The following EXTL3 variants were observed in gnomAD, a reference collection of about 807,000 sequenced individuals.
The protein encoded by EXTL3 is exostosin like glycosyltransferase 3, also known as exostosin-like 3.
Under a neutral mutation model 69.3 loss-of-function variants are expected in EXTL3, and 27 were observed. That is an observed-to-expected ratio of 0.39 (90% CI 0.29 to 0.54). The LOEUF (loss-of-function observed/expected upper bound fraction) is 0.54, where lower values mean the gene tolerates loss of function less well. Among genes scored for constraint, EXTL3 ranks in the 20% least tolerant of loss-of-function variants. The pLI is 0.69. For missense variants in EXTL3, 1,003 were observed against 1,231.8 expected (o/e 0.81, Z 2.78); for synonymous variants, 511 against 499.4 (o/e 1.02, Z -0.31).
In EXTL3 at chr8:28,678,960, GCTCCAACTTTCATGAGGC is replaced by G. The variant is rs565209270; in HGVS notation, c.-52-34493_-52-34476del. On this transcript the variant is annotated intron_variant, in intron 1 of 6. Coordinates refer to the EXTL3 transcript ENST00000523149. Reference sequence around the variant, plus strand: ...ATCCTAGGCATCAATGGCAAATTCAGCTCCAACTTTCATGAGGCCTCTCCCTTATACCAGCTTCTTTGT... The same window carrying G: ...ATCCTAGGCATCAATGGCAAATTCAGCTCTCCCTTATACCAGCTTCTTTGT... Among the ~76,000 whole-genome samples the G allele has an allele frequency of 1.1e-3, 169 of 152,258 alleles. 1 individual carries two copies. Among genetic ancestry groups the G allele is most frequent in the African/African-American group, 3.9e-3 (164 of 41,560 alleles).
upstream of EXTL3, chr8:28,701,283 T>A (rs1054740670): frequency 6.6e-6 from 1 of 151,662 alleles, no homozygotes; most frequent in Non-Finnish European, 1.5e-5. Context: ...AGGACGCGAG[T>A]TGGGGGGCTC....
At chr8:28,613,436 C>A (rs1443702396) in intron 2 of EXTL3, among the ~76,000 whole-genome samples, 1 of 152,174 alleles carries the variant, frequency 6.6e-6, no homozygotes, top group Non-Finnish European at 1.5e-5. Context: ...CGTGCCTCAG[C>A]CTCCCAAAGT....
Position 28,751,371 on chromosome 8 carries a change from T to A in EXTL3, c.*505T>A, listed in dbSNP as rs533308098. 355 of 168,034 alleles carry A rather than the reference T, an allele frequency of 2.1e-3. 2 individuals are homozygous for A. The highest frequency in any genetic ancestry group is 2.4e-3 in the Non-Finnish European group (181 of 76,492). The allele number at this position is 168,034 out of a possible 1,614,324, so 10.4% of individuals were successfully genotyped here. A position where few individuals can be genotyped will look rare whatever the true frequency, so the allele number is the denominator to read the frequency against. The stretch of plus-strand genomic sequence containing the variant: ...GCGCAGGCTCCTTTGTTCTGTATTC[T>A]GGCGGAGATGGGTCCTGGCCTTGTG... On this transcript the variant is annotated 3_prime_UTR_variant, in exon 7 of 7. Transcript: ENST00000220562.
intron 1 of EXTL3, among the ~76,000 whole-genome samples, chr8:28,662,071 G>A (rs1188549222): frequency 6.6e-6 from 1 of 151,708 alleles, no homozygotes; most frequent in Non-Finnish European, 1.5e-5. Flanking sequence ...GTGTATATAT[G>A]AGTGTAACCT....
At chr8:28,719,912 A>T (rs1254809963) in intron 3 of EXTL3, among the ~76,000 whole-genome samples, 1 of 152,200 alleles carries the variant, frequency 6.6e-6, no homozygotes. Flanking sequence ...AAAAACTCTG[A>T]TGGGAAATAA....
At chr8:28,688,035 G>A (rs1012065239) in intron 1 of EXTL3, among the ~76,000 whole-genome samples, 6 of 150,902 alleles carry the variant, frequency 4.0e-5, no homozygotes, top group African/African-American at 1.5e-4. Flanking sequence ...GGATTAAAGA[G>A]TGAATGACAG....
At chr8:28,658,492 G>A (rs768546631) in intron 1 of EXTL3, among the ~76,000 whole-genome samples, 1 of 151,926 alleles carries the variant, frequency 6.6e-6, no homozygotes, top group Non-Finnish European at 1.5e-5. Flanking sequence ...TAAACAAAAG[G>A]AAGTGTCTTA....
chr8:28,747,728 CTTTTTT>C lies in EXTL3; in HGVS notation c.2551-2916_2551-2911del, dbSNP rs71549697. Among the ~76,000 whole-genome samples, 55 of 124,744 alleles carry C rather than the reference CTTTTTT, an allele frequency of 4.4e-4. 1 individual carries two copies. The highest frequency in any genetic ancestry group is 3.0e-4 in the Non-Finnish European group (18 of 60,346). The allele number at this position is 124,744 out of a possible 152,430, so 81.8% of individuals were successfully genotyped here. On this transcript the variant is annotated intron_variant, in intron 6 of 6. Coordinates refer to ENST00000220562, the MANE Select transcript of EXTL3 (RefSeq NM_001440.4). ...ACGTATATATGTATTTTTTCTTTTT[CTTTTTT>C]TTTTTTTTTTTTGAGATGGAGCCTC...
At chr8:28,756,054 C>T (rs1802117133), downstream of EXTL3, among the ~76,000 whole-genome samples, 2 of 152,194 alleles carry the variant, frequency 1.3e-5, no homozygotes, top group Non-Finnish European at 2.9e-5. Flanking sequence ...GGGCATACAA[C>T]TGTTCATTAT....
chr8:28,724,056 A>G (rs1214792415), intron 3 of EXTL3, among the ~76,000 whole-genome samples: 1 of 152,142 alleles, frequency 6.6e-6, no homozygotes, highest in East Asian at 1.9e-4. Context: ...TATAAAATAT[A>G]GAAAATGTAT....
upstream of EXTL3, chr8:28,697,142 C>T (rs1196108530): frequency 1.3e-5 from 2 of 152,134 alleles, no homozygotes; most frequent in Non-Finnish European, 1.5e-5. Flanking sequence ...ATGTTTTATA[C>T]ATTTTGTGTA....
At chr8:28,694,592 T>C (rs1800658892) in intron 1 of EXTL3, among the ~76,000 whole-genome samples, 1 of 152,126 alleles carries the variant, frequency 6.6e-6, no homozygotes, top group Non-Finnish European at 1.5e-5. Context: ...TTAGGCAAAT[T>C]AGTTAACCTC....
At chr8:28,679,420 T>TG (rs1345542436) in intron 1 of EXTL3, among the ~76,000 whole-genome samples, 1 of 152,102 alleles carries the variant, frequency 6.6e-6, no homozygotes, top group Non-Finnish European at 1.5e-5. Context: ...CACTCCAGCC[T>TG]GGTGACAGAG....
chr8:28,661,296 A>C (rs575464956), intron 1 of EXTL3, among the ~76,000 whole-genome samples: 1 of 152,056 alleles, frequency 6.6e-6, no homozygotes, highest in Non-Finnish European at 1.5e-5. Context: ...TCTCATCACA[A>C]TCAGAGCATA....
chr8:28,636,957 G>A (rs966930360), intron 1 of EXTL3, among the ~76,000 whole-genome samples: 3 of 151,492 alleles, frequency 2.0e-5, no homozygotes, highest in African/African-American at 7.3e-5. Context: ...ACTCTAGCCT[G>A]GGCAACAGAG....
intron 1 of EXTL3, among the ~76,000 whole-genome samples, chr8:28,706,416 A>G (rs909827778): frequency 6.6e-6 from 1 of 152,196 alleles, no homozygotes; most frequent in African/African-American, 2.4e-5. Flanking sequence ...TAGTATGAGC[A>G]TTTTGGAAGT....
rs969877872 is a variant in EXTL3 at position 28,718,037 on chromosome 8, C to T, written c.1978C>T (p.Arg660Ter). Residue 660 changes from arginine to a stop codon, truncating the protein, a stop_gained, in exon 3 of 7, where the codon CGA becomes TGA. Transcript: ENST00000220562. LOFTEE classifies it high-confidence loss of function. Reference sequence around the variant, plus strand: ...GGCAGCGCTTGGAGGCAATGTTCCCCGAGAGCAGTTCACGGTGGTGATGTT... The same window carrying T: ...GGCAGCGCTTGGAGGCAATGTTCCCTGAGAGCAGTTCACGGTGGTGATGTT... The part of the protein sequence containing the change: ...FQAALGGNVP[R>*]EQFTVVMLTY... 2 of 1,613,826 alleles carry T rather than the reference C, an allele frequency of 1.2e-6. No individual in the cohort carries two copies. The highest frequency in any genetic ancestry group is 1.1e-5 in the South Asian group (1 of 91,054).
chr8:28,736,707 TAAAAG>T (rs1801659144), intron 4 of EXTL3, among the ~76,000 whole-genome samples: 1 of 152,224 alleles, frequency 6.6e-6, no homozygotes, highest in African/African-American at 2.4e-5. Flanking sequence ...TCCTTCTCTG[TAAAAG>T]AAAAGTGTGC....
Position 28,754,141 on chromosome 8 carries a change from G to A in EXTL3, c.*3275G>A, listed in dbSNP as rs988048101. ...TGTGAATGGCTCGATTCGGTCCATA[G>A]GTCATGCCCCTGACCTATAGGTCAC... is the stretch of plus-strand genomic sequence containing the variant. On this transcript the variant is annotated 3_prime_UTR_variant, in exon 7 of 7. Transcript: ENST00000220562. 2 of 152,024 alleles carry A rather than the reference G, an allele frequency of 1.3e-5. No homozygotes were observed. Among genetic ancestry groups the A allele is most frequent in the South Asian group, 2.1e-4 (1 of 4,824 alleles). The allele number at this position is 152,024 out of a possible 1,614,324, so 9.4% of individuals were successfully genotyped here.
Sources: gnomAD v4.1 joint callset for allele counts (sites outside exome capture counted in the v4.1 genomes callset) on GRCh38, gnomAD v4.1.1 for gene constraint, MANE v1.5 for transcripts, NCBI Gene and HGNC (gene_info 2026-07-23, HGNC 2026-07-21) for gene names.